Variants in MEGF10 observed in about 807,000 individuals in gnomAD.
The protein encoded by MEGF10 is multiple epidermal growth factor-like domains protein 10.
In MEGF10, 86 loss-of-function variants were observed where a neutral mutation model predicts 147.5. That is an observed-to-expected ratio of 0.58 (90% CI 0.49 to 0.70). The LOEUF (loss-of-function observed/expected upper bound fraction) is 0.70, where lower values mean the gene tolerates loss of function less well. MEGF10 is among the 30% of genes least tolerant of loss of function. The pLI is 0.00. For missense variants in MEGF10, 1,329 were observed against 1,487.3 expected, an observed-to-expected ratio of 0.89 and a Z score of 1.75; for synonymous variants, 478 against 525.5, an observed-to-expected ratio of 0.91 and a Z score of 1.24.
chr5:127,277,080 A>G, the MEGF10 span, among the ~76,000 whole-genome samples: 1 of 152,190 alleles, frequency 6.6e-6, no homozygotes, highest in Non-Finnish European at 1.5e-5. Context: ...AGGAGAGCAA[A>G]GTATCTGAAG....
intron 2 of MEGF10, among the ~76,000 whole-genome samples, chr5:127,336,565 T>C (rs1302193705): frequency 6.6e-6 from 1 of 152,132 alleles, no homozygotes; most frequent in Non-Finnish European, 1.5e-5. Flanking sequence ...GAAAACATTT[T>C]ACTTGTTTGC....
At chr5:127,371,155 A>G (rs935709186) in intron 5 of MEGF10, among the ~76,000 whole-genome samples, 2 of 150,912 alleles carry the variant, frequency 1.3e-5, no homozygotes, top group Non-Finnish European at 2.9e-5. Flanking sequence ...TTGGTGTGAA[A>G]GAGCCTTTTA....
In MEGF10 at chr5:127,357,225, A is replaced by G. The variant is rs117592426; in HGVS notation, c.320-12685A>G. Among the ~76,000 whole-genome samples, 130 of 152,292 alleles carry G rather than the reference A, an allele frequency of 8.5e-4. 2 individuals are homozygous for G. In the East Asian group the frequency reaches 0.022, roughly 26 times the overall value. ...GAGGAGATGCGTATTTTACTGCCTCATTGATGGGGACAACTTCTTCTAGAC... is the reference window on the plus strand; with the variant it reads ...GAGGAGATGCGTATTTTACTGCCTCGTTGATGGGGACAACTTCTTCTAGAC... On this transcript the variant is annotated intron_variant, in intron 4 of 24. Transcript: ENST00000503335.
the MEGF10 span, among the ~76,000 whole-genome samples, chr5:127,276,127 A>G: frequency 6.6e-6 from 1 of 152,240 alleles, no homozygotes; most frequent in African/African-American, 2.4e-5. Context: ...TAGTCAAAGC[A>G]CTGCACTTAG....
the MEGF10 span, among the ~76,000 whole-genome samples, chr5:127,242,826 C>T: frequency 5.3e-4 from 80 of 152,168 alleles, 1 homozygote; most frequent in African/African-American, 1.9e-3. Context: ...CCCCAGATTC[C>T]TGGACCTCAC....
the MEGF10 span, among the ~76,000 whole-genome samples, chr5:127,258,869 C>A: frequency 6.6e-6 from 1 of 152,270 alleles, no homozygotes; most frequent in Admixed American, 6.5e-5. Context: ...AAATAAATTT[C>A]TGTTCACTAC....
At chr5:127,375,613 C>G (rs942587473) in intron 5 of MEGF10, among the ~76,000 whole-genome samples, 3 of 152,146 alleles carry the variant, frequency 2.0e-5, no homozygotes, top group African/African-American at 7.2e-5. Context: ...TCTATTTTAT[C>G]CCATCTCCTT....
At chr5:127,234,695 C>T in the MEGF10 span, among the ~76,000 whole-genome samples, 3 of 152,198 alleles carry the variant, frequency 2.0e-5, no homozygotes, top group African/African-American at 4.8e-5. Flanking sequence ...TCATAAATGT[C>T]GTTATTTAGA....
At chr5:127,343,899 G>A (rs1380024234) in intron 4 of MEGF10, among the ~76,000 whole-genome samples, 1 of 152,194 alleles carries the variant, frequency 6.6e-6, no homozygotes, top group African/African-American at 2.4e-5. Context: ...CAGGAGCCAG[G>A]CTCACCTTGT....
At chr5:127,295,985 T>C (rs1007202900) in intron 1 of MEGF10, among the ~76,000 whole-genome samples, 1 of 152,240 alleles carries the variant, frequency 6.6e-6, no homozygotes, top group Non-Finnish European at 1.5e-5. Flanking sequence ...ATCTCTTTAT[T>C]CAGTCATTCA....
At position 127,448,308 on chromosome 5, in the gene MEGF10, A is replaced by G. The variant is rs574756914; in HGVS notation, c.2856+624A>G. ...CTCATTTAATCTTCACACCAGTCCTATAAATCAAGAGTGATTATTATGCCG... is the reference window on the plus strand; with the variant it reads ...CTCATTTAATCTTCACACCAGTCCTGTAAATCAAGAGTGATTATTATGCCG... On this transcript the variant is annotated intron_variant, in intron 21 of 24. Transcript: ENST00000503335. Among the ~76,000 whole-genome samples, 15 of 152,332 alleles carry G rather than the reference A, an allele frequency of 9.8e-5. No homozygotes were observed. The South Asian group carries it at 2.9e-3, about 29-fold the overall frequency.
the MEGF10 span, among the ~76,000 whole-genome samples, chr5:127,279,730 T>C: frequency 6.6e-6 from 1 of 152,158 alleles, no homozygotes; most frequent in South Asian, 2.1e-4. Context: ...CCTCCCCAAA[T>C]AGACTATCAA....
intron 4 of MEGF10, 66 bp downstream of exon 4, chr5:127,340,696 T>C (rs184827329): frequency 3.3e-5 from 44 of 1,320,462 alleles, no homozygotes; most frequent in Admixed American, 1.2e-4. Context: ...CTTCCATTAA[T>C]AGCAGCTGAG....
chr5:127,423,049 C>T (rs1410887166), intron 13 of MEGF10, among the ~76,000 whole-genome samples: 1 of 152,122 alleles, frequency 6.6e-6, no homozygotes, highest in Non-Finnish European at 1.5e-5. Context: ...AAGAGTTCAG[C>T]AAGACCACTG....
intron 1 of MEGF10, among the ~76,000 whole-genome samples, chr5:127,323,162 C>T (rs762767754): frequency 7.2e-5 from 11 of 151,906 alleles, no homozygotes; most frequent in African/African-American, 2.7e-4. Flanking sequence ...AGAAAAGTAG[C>T]CCAAGTGCGG....
chr5:127,246,932 ATATGAT>A, the MEGF10 span, among the ~76,000 whole-genome samples: 399 of 128,842 alleles, frequency 3.1e-3, no homozygotes, highest in East Asian at 4.3e-3. Context: ...ATACAATAAT[ATATGAT>A]TATATTATAT....
At chr5:127,312,320 C>G (rs2126741699) in intron 1 of MEGF10, among the ~76,000 whole-genome samples, 1 of 152,304 alleles carries the variant, frequency 6.6e-6, no homozygotes, top group East Asian at 1.9e-4. Context: ...TAACAGAGAC[C>G]AATGCCATTC....
chr5:127,383,800 T>C (rs1763336150), intron 5 of MEGF10, among the ~76,000 whole-genome samples: 1 of 152,222 alleles, frequency 6.6e-6, no homozygotes, highest in African/African-American at 2.4e-5. Context: ...CTGCTGTGGG[T>C]ACATGAGCCT....
chr5:127,402,786 A>G lies in MEGF10; in HGVS notation c.917+104A>G. The G allele has an allele frequency of 2.5e-6, 3 of 1,215,246 alleles. No individual in the cohort carries two copies. In the South Asian group the frequency reaches 5.6e-5, roughly 22 times the overall value. 75.3% of individuals were successfully genotyped at this position (1,215,246 alleles called of 1,614,324 possible). A position where few individuals can be genotyped will look rare whatever the true frequency, so the allele number is the denominator to read the frequency against. The stretch of plus-strand genomic sequence containing the variant: ...AATACCATGTGTCCATGACTCTTCC[A>G]TAATATTTCAGAAGTAGCTATACAG... On this transcript the variant is annotated intron_variant, in intron 8 of 24. Coordinates refer to ENST00000503335, the MANE Select transcript of MEGF10 (RefSeq NM_001256545.2).
Sources: gnomAD v4.1 joint callset for allele counts (sites outside exome capture counted in the v4.1 genomes callset) on GRCh38, gnomAD v4.1.1 for gene constraint, MANE v1.5 for transcripts, NCBI Gene and HGNC (gene_info 2026-07-23, HGNC 2026-07-21) for gene names.